Variants in HERC4 observed in about 807,000 individuals in gnomAD.
HERC4 encodes probable E3 ubiquitin-protein ligase HERC4.
A neutral mutation model predicts 124.3 loss-of-function variants in HERC4; 28 were observed. That is an observed-to-expected ratio of 0.23 (90% CI 0.17 to 0.31). HERC4 has a LOEUF of 0.31. HERC4 is among the 10% of genes least tolerant of loss of function. The pLI is 1.00. For synonymous variants in HERC4, 407 were observed against 421.5 expected, an observed-to-expected ratio of 0.97 and a Z score of 0.42; for missense variants, 713 against 1,229.3, an observed-to-expected ratio of 0.58 and a Z score of 6.28.
intron 15 of HERC4, among the ~76,000 whole-genome samples, chr10:67,979,853 C>T (rs1564502180): frequency 2.0e-5 from 3 of 151,832 alleles, no homozygotes; most frequent in East Asian, 2.0e-4. Context: ...AGGAGAATGG[C>T]GTGAACCTGA....
At chr10:67,923,552 C>T (rs1446270523) in intron 24 of HERC4, among the ~76,000 whole-genome samples, 3 of 151,926 alleles carry the variant, frequency 2.0e-5, no homozygotes, top group Admixed American at 2.0e-4. Flanking sequence ...AATGGGCAGC[C>T]AAAATTCAAA....
intron 15 of HERC4, among the ~76,000 whole-genome samples, chr10:67,967,013 A>C (rs1277876148): frequency 2.6e-5 from 4 of 152,008 alleles, no homozygotes; most frequent in South Asian, 2.1e-4. Flanking sequence ...CGCCATCATG[A>C]CCGGCTAATT....
Position 67,956,890 on chromosome 10 carries a change from G to T in HERC4, c.2013C>A (p.Val671=). 6.4e-7 allele frequency: 1 copy of T among 1,566,652 alleles called. No individual in the cohort carries two copies. Among genetic ancestry groups the T allele is most frequent in the Non-Finnish European group, 8.6e-7 (1 of 1,157,000 alleles). The change falls in exon 17 of 25, where the codon GTC becomes GTA. Residue 671 remains valine, a synonymous_variant. Coordinates refer to ENST00000373700, the MANE Select transcript of HERC4 (RefSeq NM_015601.4). ...AATAATATTTTACCTGCATCTGTAA[G>T]ACTGCATCGGTCTGTAACAGAGTAG... ...AKTTLLQTDA[V]LQMQMAIDQA...
rs112889596 is a variant in HERC4 at position 68,008,550 on chromosome 10, T to C, written c.1069+5476A>G. On this transcript the variant is annotated intron_variant, in intron 9 of 24. Transcript: ENST00000373700. ...TGCTGACCGGTTGGGGATGTAATCA[T>C]ATGGATGTGGAAAACGTCCTTATGT... is the stretch of plus-strand genomic sequence containing the variant. Among the ~76,000 whole-genome samples, 1,106 of 152,310 alleles carry C rather than the reference T, an allele frequency of 7.3e-3. 14 individuals carry two copies. The highest frequency in any genetic ancestry group is 0.025 in the African/African-American group (1,035 of 41,562).
intron 9 of HERC4, chr10:68,010,692 T>C (rs2037896642): frequency 4.7e-6 from 7 of 1,479,964 alleles, no homozygotes; most frequent in African/African-American, 1.4e-5. Context: ...CGCTTACACA[T>C]GTTCTTGAAG....
Position 67,932,712 on chromosome 10 carries a change from A to G in HERC4, c.2723T>C (p.Phe908Ser). ...NKSVASLFDAFHAGFHKVCGG... is the reference protein window; with the variant it reads ...NKSVASLFDASHAGFHKVCGG... Reference sequence around the variant, plus strand: ...ACAGACCTTATGAAAGCCCGCATGAAAAGCATCAAATAAGGAAGCCACTGA... The same window carrying G: ...ACAGACCTTATGAAAGCCCGCATGAGAAGCATCAAATAAGGAAGCCACTGA... The change falls in exon 23 of 25, where the codon TTT (phenylalanine) becomes TCT (serine). Residue 908 changes from phenylalanine to serine, a missense_variant. Physicochemically the swap from Phe to Ser is radical, Grantham distance 155. Coordinates refer to ENST00000373700, the MANE Select transcript of HERC4 (RefSeq NM_015601.4). The G allele has an allele frequency of 6.2e-7, 1 of 1,601,160 alleles. No individual in the cohort carries two copies. Among genetic ancestry groups the G allele is most frequent in the Non-Finnish European group, 8.5e-7 (1 of 1,177,284 alleles).
At chr10:67,998,552 A>G (rs1484766514) in intron 9 of HERC4, among the ~76,000 whole-genome samples, 1 of 27,042 alleles carries the variant, frequency 3.7e-5, no homozygotes, top group Admixed American at 5.3e-4. Flanking sequence ...ACCTCAATTG[A>G]AAAAAAAAAA....
intron 24 of HERC4, among the ~76,000 whole-genome samples, 188 bp from the exon 25 acceptor site, chr10:67,923,327 T>G (rs2030444554): frequency 6.6e-6 from 1 of 152,216 alleles, no homozygotes; most frequent in African/African-American, 2.4e-5. Flanking sequence ...ACAATATTTT[T>G]TCTTTAAAAG....
intron 3 of HERC4, among the ~76,000 whole-genome samples, chr10:68,058,389 T>C (rs2040661496): frequency 6.6e-6 from 1 of 152,152 alleles, no homozygotes; most frequent in African/African-American, 2.4e-5. Context: ...CTGTATTGTA[T>C]ATCTGGAGGT....
At chr10:67,999,897 A>C (rs770372696) in intron 9 of HERC4, among the ~76,000 whole-genome samples, 102 of 152,316 alleles carry the variant, frequency 6.7e-4, no homozygotes, top group Admixed American at 2.1e-3. Flanking sequence ...TATATTTATA[A>C]AGGTTCAATA....
Position 67,939,576 on chromosome 10 carries a change from C to A in HERC4, c.2571+12G>T. On this transcript the variant is annotated intron_variant, in intron 21 of 24. Coordinates refer to ENST00000373700, the MANE Select transcript of HERC4 (RefSeq NM_015601.4). ...ATAAATAATCAGGCTAACCTATGTCCTTCCATCTTACCGTAAAATTAAGAC... is the reference window on the plus strand; with the variant it reads ...ATAAATAATCAGGCTAACCTATGTCATTCCATCTTACCGTAAAATTAAGAC... 2 of 1,572,076 alleles carry A rather than the reference C, an allele frequency of 1.3e-6. No homozygotes were observed. Among genetic ancestry groups the A allele is most frequent in the Non-Finnish European group, 8.7e-7 (1 of 1,147,350 alleles).
At chr10:68,037,248 C>T (rs1271565823) in intron 5 of HERC4, among the ~76,000 whole-genome samples, 1 of 151,958 alleles carries the variant, frequency 6.6e-6, no homozygotes, top group African/African-American at 2.4e-5. Flanking sequence ...GTGTGTGCCA[C>T]CACACCCAGC....
intron 9 of HERC4, among the ~76,000 whole-genome samples, chr10:67,995,567 C>CTT (rs201016658): frequency 5.4e-4 from 73 of 135,086 alleles, no homozygotes; most frequent in Admixed American, 1.2e-3. Flanking sequence ...TATTAGCTGT[C>CTT]TTTTTTTTTT....
At position 67,957,009 on chromosome 10, in the gene HERC4, T is replaced by C. The variant is rs370330207; in HGVS notation, c.1927-33A>G. Reference sequence around the variant, plus strand: ...TAAAAAATTAACTTATTAGTACAAGTTGATTTGTGATATACTTACTGTGGA... The same window carrying C: ...TAAAAAATTAACTTATTAGTACAAGCTGATTTGTGATATACTTACTGTGGA... On this transcript the variant is annotated intron_variant, in intron 16 of 24. Transcript: ENST00000373700. The C allele has an allele frequency of 5.3e-6, 7 of 1,314,486 alleles. No individual in the cohort carries two copies. In the African/African-American group the frequency reaches 7.4e-5, roughly 14 times the overall value. The allele number at this position is 1,314,486 out of a possible 1,614,324, so 81.4% of individuals were successfully genotyped here.
At chr10:67,946,514 A>C (rs1255189678) in intron 19 of HERC4, among the ~76,000 whole-genome samples, 1 of 152,150 alleles carries the variant, frequency 6.6e-6, no homozygotes, top group Non-Finnish European at 1.5e-5. Context: ...TGTCTAATAC[A>C]AGGTATTAGA....
At chr10:68,042,077 T>G (rs1339874440) in intron 4 of HERC4, among the ~76,000 whole-genome samples, 2 of 152,116 alleles carry the variant, frequency 1.3e-5, no homozygotes, top group Non-Finnish European at 2.9e-5. Flanking sequence ...AGTGCAGTGG[T>G]GCAATCTCGG....
intron 9 of HERC4, chr10:67,995,087 TGTG>T: frequency 3.2e-6 from 1 of 315,140 alleles, no homozygotes; most frequent in South Asian, 2.7e-5. Context: ...ACTTTATCTT[TGTG>T]GTTTCTCCTA....
chr10:67,949,888 G>A (rs970517491), intron 19 of HERC4, among the ~76,000 whole-genome samples: 8 of 151,796 alleles, frequency 5.3e-5, no homozygotes, highest in East Asian at 1.9e-4. Context: ...GTATGGTGGC[G>A]CACACCTGTA....
intron 22 of HERC4, among the ~76,000 whole-genome samples, chr10:67,933,104 T>TTA (rs769371603): frequency 7.2e-5 from 11 of 152,148 alleles, no homozygotes; most frequent in Non-Finnish European, 1.3e-4. Context: ...TATTGAGAAT[T>TTA]TATATATATC....
Sources: allele counts gnomAD v4.1 joint callset (sites outside exome capture counted in the v4.1 genomes callset), GRCh38; gene constraint gnomAD v4.1.1; transcripts MANE v1.5; gene names NCBI Gene and HGNC (gene_info 2026-07-23, HGNC 2026-07-21).